The following CERS6 variants were observed in gnomAD, a reference collection of about 807,000 sequenced individuals.
CERS6 encodes the protein ceramide synthase 6.
CERS6 carries 26 observed loss-of-function variants against 56.8 expected under a neutral mutation model. That is an observed-to-expected ratio of 0.46 (90% CI 0.34 to 0.63). The LOEUF (loss-of-function observed/expected upper bound fraction) is 0.63, where lower values mean the gene tolerates loss of function less well. Ranked by LOEUF, CERS6 falls within the 30% of genes least tolerant of loss-of-function variation. The pLI is 0.01. For missense variants in CERS6, 415 were observed against 467.5 expected (o/e 0.89, Z 1.04); for synonymous variants, 164 against 173.3 (o/e 0.95, Z 0.42).
chr2:168,500,350 CT>C (rs1197833805), intron 1 of CERS6, among the ~76,000 whole-genome samples: 1 of 152,088 alleles, frequency 6.6e-6, no homozygotes, highest in Non-Finnish European at 1.5e-5. Context: ...TCATATTTGG[CT>C]GTGCAAGCAA....
At position 168,582,465 on chromosome 2, in the gene CERS6, G is replaced by A. The variant is rs79504502; in HGVS notation, c.407+21143G>A. Among the ~76,000 whole-genome samples, 443 of 152,074 alleles carry A rather than the reference G, an allele frequency of 2.9e-3. 16 individuals carry two copies. In the East Asian group the frequency reaches 0.058, roughly 20 times the overall value. Reference sequence around the variant, plus strand: ...GATATTTTTTAAGTTGAGAAGTTTAGTTGTTTTAAATAGAGAGCAAGGGGT... The same window carrying A: ...GATATTTTTTAAGTTGAGAAGTTTAATTGTTTTAAATAGAGAGCAAGGGGT... On this transcript the variant is annotated intron_variant, in intron 3 of 9. Coordinates refer to ENST00000305747, the MANE Select transcript of CERS6 (RefSeq NM_203463.3).
chr2:168,730,482 A>G (rs1378181588), intron 8 of CERS6, among the ~76,000 whole-genome samples: 1 of 152,182 alleles, frequency 6.6e-6, no homozygotes, highest in African/African-American at 2.4e-5. Context: ...CAAATGAGAA[A>G]TAGCAGGGGG....
At chr2:168,688,385 C>T (rs1015987650) in intron 4 of CERS6, among the ~76,000 whole-genome samples, 2 of 150,490 alleles carry the variant, frequency 1.3e-5, no homozygotes, top group South Asian at 4.2e-4. Context: ...CCACTATACT[C>T]CAGCCTGGCG....
intron 2 of CERS6, among the ~76,000 whole-genome samples, chr2:168,548,495 T>C (rs535159613): frequency 2.0e-4 from 31 of 152,342 alleles, no homozygotes; most frequent in Non-Finnish European, 1.8e-4. Context: ...TATTCTTGTT[T>C]GGACAAGAAA....
chr2:168,681,770 C>T (rs1386631606), intron 4 of CERS6, among the ~76,000 whole-genome samples: 2 of 152,120 alleles, frequency 1.3e-5, no homozygotes, highest in Admixed American at 6.6e-5. Context: ...ATCCACTAAC[C>T]AGCTTCTGGC....
intron 4 of CERS6, among the ~76,000 whole-genome samples, chr2:168,662,752 C>T (rs1685663550): frequency 6.6e-6 from 1 of 151,980 alleles, no homozygotes; most frequent in African/African-American, 2.4e-5. Context: ...AACAAACGAG[C>T]CCTGGAAAGA....
intron 4 of CERS6, among the ~76,000 whole-genome samples, chr2:168,637,450 C>G (rs1370774795): frequency 6.6e-6 from 1 of 152,120 alleles, no homozygotes; most frequent in Non-Finnish European, 1.5e-5. Flanking sequence ...CCACTGCACT[C>G]CAGCCTGGGG....
chr2:168,653,099 T>C (rs1685385033), intron 4 of CERS6, among the ~76,000 whole-genome samples: 1 of 152,158 alleles, frequency 6.6e-6, no homozygotes, highest in South Asian at 2.1e-4. Flanking sequence ...GGAAGTAGAG[T>C]AAATATGAAG....
At chr2:168,649,040 C>A (rs1422180226) in intron 4 of CERS6, among the ~76,000 whole-genome samples, 1 of 152,054 alleles carries the variant, frequency 6.6e-6, no homozygotes, top group Admixed American at 6.6e-5. Context: ...CGCTGAATAT[C>A]CTAATACAAA....
chr2:168,649,641 C>T (rs1685294830), intron 4 of CERS6, among the ~76,000 whole-genome samples: 1 of 152,002 alleles, frequency 6.6e-6, no homozygotes. Context: ...GCTTTATCCC[C>T]CCGTAGCAGC....
At chr2:168,483,778 G>A (rs953447180) in intron 1 of CERS6, among the ~76,000 whole-genome samples, 2 of 152,142 alleles carry the variant, frequency 1.3e-5, no homozygotes, top group Admixed American at 6.6e-5. Flanking sequence ...ATAACTAGGC[G>A]TATTGGAACT....
In CERS6 at chr2:168,656,547, C is replaced by T. The variant is rs572914683; in HGVS notation, c.465+25505C>T. On this transcript the variant is annotated intron_variant, in intron 4 of 9. Transcript: ENST00000305747. ...CAGACCTTCGCGGTGAGTGTTACAG[C>T]TCTTAAGGTAGCGCGTCTGGAGTTG... Among the ~76,000 whole-genome samples the T allele has an allele frequency of 3.8e-3, 570 of 151,978 alleles. 7 individuals are homozygous for T. Among genetic ancestry groups the T allele is most frequent in the African/African-American group, 0.013 (545 of 41,444 alleles).
intron 3 of CERS6, among the ~76,000 whole-genome samples, chr2:168,620,046 C>CACACACACACAT (rs1684427737): frequency 6.9e-6 from 1 of 145,870 alleles, no homozygotes; most frequent in East Asian, 2.1e-4. Flanking sequence ...CACACACACA[C>CACACACACACAT]ACACACACAC....
chr2:168,470,966 C>T (rs1693966041), intron 1 of CERS6, among the ~76,000 whole-genome samples: 1 of 151,908 alleles, frequency 6.6e-6, no homozygotes, highest in African/African-American at 2.4e-5. Context: ...CTGCCTCGCT[C>T]AGAGGCAGGC....
chr2:168,477,871 A>G (rs1208693524), intron 1 of CERS6, among the ~76,000 whole-genome samples: 1 of 152,214 alleles, frequency 6.6e-6, no homozygotes, highest in Non-Finnish European at 1.5e-5. Context: ...GCACATTTTT[A>G]TATGTTTTAA....
chr2:168,621,151 TAAG>T (rs1212948929), intron 3 of CERS6, among the ~76,000 whole-genome samples: 1 of 152,162 alleles, frequency 6.6e-6, no homozygotes, highest in Non-Finnish European at 1.5e-5. Context: ...TGCTTTCAGA[TAAG>T]AAAAAAATTG....
At chr2:168,553,191 A>G (rs1216640570) in intron 2 of CERS6, among the ~76,000 whole-genome samples, 1 of 152,152 alleles carries the variant, frequency 6.6e-6, no homozygotes, top group Non-Finnish European at 1.5e-5. Flanking sequence ...AAACTGAATT[A>G]AATGAAAGAA....
intron 3 of CERS6, among the ~76,000 whole-genome samples, chr2:168,611,564 C>T (rs797006316): frequency 3.9e-5 from 6 of 152,278 alleles, no homozygotes; most frequent in East Asian, 3.9e-4. Context: ...CTTCATTGGT[C>T]GATTTATCCG....
At chr2:168,613,164 G>A (rs557488196) in intron 3 of CERS6, among the ~76,000 whole-genome samples, 1 of 152,242 alleles carries the variant, frequency 6.6e-6, no homozygotes, top group Admixed American at 6.5e-5. Context: ...CCTTGACAGA[G>A]ATGGAAGGAA....
Sources: allele counts gnomAD v4.1 joint callset (sites outside exome capture counted in the v4.1 genomes callset), GRCh38; gene constraint gnomAD v4.1.1; transcripts MANE v1.5; gene names NCBI Gene and HGNC (gene_info 2026-07-23, HGNC 2026-07-21).